The following HMCN1 variants were observed in gnomAD, a reference collection of about 807,000 sequenced individuals.
HMCN1 encodes hemicentin-1.
In HMCN1, 321 loss-of-function variants were observed where a neutral mutation model predicts 625.9. The ratio of observed to expected loss-of-function variants is 0.51; its 90% CI spans 0.47 to 0.56. The LOEUF (loss-of-function observed/expected upper bound fraction) is 0.56, where lower values mean the gene tolerates loss of function less well. HMCN1 is among the 20% of genes least tolerant of loss of function. The probability of loss-of-function intolerance (pLI) is 0.00; values close to 1 mark genes in which losing one functional copy is unlikely to be tolerated. For synonymous variants in HMCN1, 2,425 were observed against 2,417.6 expected, an observed-to-expected ratio of 1.00 and a Z score of -0.09; for missense variants, 6,588 against 6,887.3, an observed-to-expected ratio of 0.96 and a Z score of 1.54.
chr1:185,925,260 C>A, intron 9 of HMCN1, 69 bp downstream of exon 9: 2 of 1,448,294 alleles, frequency 1.4e-6, no homozygotes, highest in Non-Finnish European at 1.9e-6. Context: ...ACTATTATTG[C>A]AGTGTACTTT....
intron 100 of HMCN1, among the ~76,000 whole-genome samples, chr1:186,170,447 G>A (rs1014514065): frequency 6.6e-6 from 1 of 152,134 alleles, no homozygotes; most frequent in Non-Finnish European, 1.5e-5. Flanking sequence ...CCATTACTGG[G>A]TATATATTCA....
chr1:186,163,172 G>GAT (rs1651632183), intron 97 of HMCN1, among the ~76,000 whole-genome samples: 7 of 152,196 alleles, frequency 4.6e-5, no homozygotes, highest in Non-Finnish European at 1.5e-5. Flanking sequence ...TGCTGTGCTA[G>GAT]CAATCAGCCA....
At chr1:185,958,741 A>T (rs1331976439) in intron 11 of HMCN1, among the ~76,000 whole-genome samples, 2 of 152,196 alleles carry the variant, frequency 1.3e-5, no homozygotes, top group Non-Finnish European at 2.9e-5. Flanking sequence ...CAATGTCTGC[A>T]TTTGAATTCC....
At chr1:186,032,345 T>G (rs1210449123) in intron 36 of HMCN1, among the ~76,000 whole-genome samples, 3 of 152,022 alleles carry the variant, frequency 2.0e-5, no homozygotes, top group Non-Finnish European at 4.4e-5. Flanking sequence ...AAAAGCAAAT[T>G]GAAACCACAA....
chr1:185,873,309 C>A lies in HMCN1; in HGVS notation c.621+7446C>A, dbSNP rs140787107. Among the ~76,000 whole-genome samples, 151 of 152,224 alleles carry A rather than the reference C, an allele frequency of 9.9e-4. 4 individuals are homozygous for A. The East Asian group carries it at 0.024, about 24-fold the overall frequency. On this transcript the variant is annotated intron_variant, in intron 4 of 106. Transcript: ENST00000271588. ...AGTCTTTGAAAAACTCATTAAAAAT[C>A]CACACTGTCTTGAAAGACAGTACCT...
intron 4 of HMCN1, among the ~76,000 whole-genome samples, chr1:185,903,489 T>C (rs2102438590): frequency 6.6e-6 from 1 of 151,892 alleles, no homozygotes; most frequent in Admixed American, 6.6e-5. Context: ...TATTTCTTAT[T>C]TTGCCTACCT....
At chr1:185,735,483 A>G (rs184022364) in intron 1 of HMCN1, among the ~76,000 whole-genome samples, 6 of 152,312 alleles carry the variant, frequency 3.9e-5, no homozygotes, top group Non-Finnish European at 8.8e-5. Flanking sequence ...TTAAGAGGGG[A>G]AAAAACCTGT....
intron 52 of HMCN1, among the ~76,000 whole-genome samples, chr1:186,071,459 A>G (rs748231193): frequency 1.3e-5 from 2 of 152,294 alleles, no homozygotes; most frequent in African/African-American, 4.8e-5. Context: ...TTTAAAAGAC[A>G]TATGTGCTGT....
At chr1:185,842,420 A>G (rs1055902825) in intron 1 of HMCN1, among the ~76,000 whole-genome samples, 11 of 152,000 alleles carry the variant, frequency 7.2e-5, no homozygotes, top group Non-Finnish European at 1.5e-5. Context: ...AAAATTAGCC[A>G]GGCATGGTGG....
At chr1:186,185,325 G>A (rs1045946876) in intron 105 of HMCN1, among the ~76,000 whole-genome samples, 8 of 152,094 alleles carry the variant, frequency 5.3e-5, no homozygotes, top group African/African-American at 4.8e-5. Context: ...TTTTTAATGC[G>A]AGAAGGAAGA....
intron 40 of HMCN1, 33 bp downstream of exon 40, chr1:186,041,169 T>A (rs1273690694): frequency 1.9e-6 from 3 of 1,591,358 alleles, no homozygotes; most frequent in Non-Finnish European, 2.6e-6. Context: ...TCTCTTCTGG[T>A]AGAGATATGT....
At chr1:186,000,001 T>A (rs750391286) in intron 25 of HMCN1, 44 bp from the exon 26 acceptor site, 4 of 1,344,574 alleles carry the variant, frequency 3.0e-6, no homozygotes, top group Admixed American at 1.8e-5. Context: ...TAATAATTTC[T>A]GTTTTTGTTG....
At chr1:186,188,951 C>G (rs1653532984) in intron 106 of HMCN1, among the ~76,000 whole-genome samples, 1 of 152,078 alleles carries the variant, frequency 6.6e-6, no homozygotes, top group Admixed American at 6.6e-5. Context: ...CATCATGACT[C>G]AAAAAGCAGT....
At position 185,997,674 on chromosome 1, in the gene HMCN1, A is replaced by G. The variant is rs935123472; in HGVS notation, c.3874+150A>G. On this transcript the variant is annotated intron_variant, in intron 25 of 106. Transcript: ENST00000271588. ...TAGAAACTAACCCATTTTTCAGATA[A>G]CAGCTCTTTGAATAAGTATTTTTTT... The G allele has an allele frequency of 1.3e-5, 9 of 666,726 alleles. No individual in the cohort carries two copies. In the African/African-American group the frequency reaches 1.4e-4, roughly 11 times the overall value. 41.3% of individuals were successfully genotyped at this position (666,726 alleles called of 1,614,324 possible).
At chr1:185,956,560 C>T (rs1239974870) in intron 11 of HMCN1, among the ~76,000 whole-genome samples, 1 of 152,168 alleles carries the variant, frequency 6.6e-6, no homozygotes, top group African/African-American at 2.4e-5. Flanking sequence ...CCTCCAGGAA[C>T]CTCTATGTGT....
rs1334772603 is a variant in HMCN1, at chr1:186,003,780, G to A, written c.4411G>A (p.Val1471Ile). 7.4e-6 allele frequency: 12 copies of A among 1,612,796 alleles called. No individual in the cohort carries two copies. Among genetic ancestry groups the A allele is most frequent in the African/African-American group, 5.3e-5 (4 of 74,852 alleles). ...AGTCTCAGTTGTCCTCAACCGTGAC[G>A]TCGCCCTTGAATGCCAGGTCAAAGG... ...NEVSVVLNRD[V>I]ALECQVKGTP... The change falls in exon 29 of 107, where the codon GTC (valine) becomes ATC (isoleucine). Residue 1471 changes from valine (V) to isoleucine (I), a missense_variant. Physicochemically the swap from Val to Ile is conservative, Grantham distance 29. Coordinates refer to ENST00000271588, the MANE Select transcript of HMCN1 (RefSeq NM_031935.3).
intron 1 of HMCN1, among the ~76,000 whole-genome samples, chr1:185,751,737 C>G (rs1004181377): frequency 4.6e-5 from 7 of 151,936 alleles, no homozygotes; most frequent in Admixed American, 3.3e-4. Flanking sequence ...TCATACGTTT[C>G]TCTTCAGTTC....
At chr1:186,156,193 A>C (rs1651008966) in intron 97 of HMCN1, among the ~76,000 whole-genome samples, 2 of 152,184 alleles carry the variant, frequency 1.3e-5, no homozygotes, top group South Asian at 4.1e-4. Context: ...GGAATATATA[A>C]ATTTAACTAA....
At chr1:186,115,667 CTTAT>C (rs2102476470) in intron 75 of HMCN1, among the ~76,000 whole-genome samples, 2 of 152,044 alleles carry the variant, frequency 1.3e-5, no homozygotes, top group South Asian at 4.1e-4. Context: ...TATATCCTGC[CTTAT>C]TTGTTTAGTA....
Sources: gnomAD v4.1 joint callset for allele counts (sites outside exome capture counted in the v4.1 genomes callset) on GRCh38, gnomAD v4.1.1 for gene constraint, MANE v1.5 for transcripts, NCBI Gene and HGNC (gene_info 2026-07-23, HGNC 2026-07-21) for gene names.